Variants in EIF3A observed in about 807,000 individuals in gnomAD.
EIF3A encodes the protein EIF3, p180 subunit.
A neutral mutation model predicts 186.6 loss-of-function variants in EIF3A; 21 were observed. That is an observed-to-expected ratio of 0.11 (90% confidence interval 0.08 to 0.16). The LOEUF is 0.16. Ranked by LOEUF, EIF3A falls within the 10% of genes least tolerant of loss-of-function variation. EIF3A has a pLI of 1.00. For synonymous variants in EIF3A, 563 were observed against 584.3 expected (o/e 0.96, Z 0.52); for missense variants, 1,306 against 1,796.3 (o/e 0.73, Z 4.93).
At chr10:119,076,322 C>CA (rs10712381) in intron 1 of EIF3A, among the ~76,000 whole-genome samples, 213 of 114,422 alleles carry the variant, frequency 1.9e-3, no homozygotes, top group African/African-American at 6.5e-3. Flanking sequence ...AACAAGTCTC[C>CA]AAAAAAAAAA....
At chr10:119,062,743 C>CTTTTTTTTT (rs372690463) in intron 7 of EIF3A, among the ~76,000 whole-genome samples, 17 of 91,040 alleles carry the variant, frequency 1.9e-4, no homozygotes, top group Non-Finnish European at 2.6e-4. Flanking sequence ...AAGAGATCAC[C>CTTTTTTTTT]TTTTTTTTTT....
chr10:119,062,811 G>A (rs1204458937), intron 7 of EIF3A, among the ~76,000 whole-genome samples: 6 of 128,672 alleles, frequency 4.7e-5, no homozygotes, highest in South Asian at 5.2e-4. Flanking sequence ...GCAGTGGCAC[G>A]ATATCAGCTC....
intron 6 of EIF3A, among the ~76,000 whole-genome samples, 197 bp downstream of exon 6, chr10:119,069,248 CT>C (rs1432714347): frequency 2.6e-5 from 4 of 152,162 alleles, no homozygotes; most frequent in Admixed American, 6.6e-5. Flanking sequence ...CTACTGGCAT[CT>C]AATGGGTAGA....
chr10:119,038,591 T>C, intron 19 of EIF3A, 152 bp from the exon 20 acceptor site: 1 of 664,120 alleles, frequency 1.5e-6, no homozygotes, highest in South Asian at 1.9e-5. Context: ...TGTACATCAC[T>C]GCACAGACAT....
intron 10 of EIF3A, 36 bp from the exon 11 acceptor site, chr10:119,059,433 A>C: frequency 6.8e-7 from 1 of 1,460,142 alleles, no homozygotes; most frequent in Non-Finnish European, 9.3e-7. Context: ...TAAATCCACA[A>C]GTAAGCATGA....
At chr10:119,080,559 C>T in intron 1 of EIF3A, 69 bp downstream of exon 1, 1 of 1,514,610 alleles carries the variant, frequency 6.6e-7, no homozygotes. Context: ...CAGTGGGAAG[C>T]AGGCCCGCGC....
chr10:119,053,411 T>C (rs1387460180), intron 14 of EIF3A, among the ~76,000 whole-genome samples: 1 of 151,988 alleles, frequency 6.6e-6, no homozygotes, highest in Non-Finnish European at 1.5e-5. Context: ...GGTCGTTTCA[T>C]CTACACTGAA....
intron 17 of EIF3A, among the ~76,000 whole-genome samples, chr10:119,049,518 G>C (rs547301201): frequency 1.4e-5 from 2 of 141,538 alleles, no homozygotes; most frequent in African/African-American, 5.2e-5. Flanking sequence ...AAGAGAAAGA[G>C]ATGTGAAAAT....
chr10:119,042,584 C>G lies in EIF3A; in HGVS notation c.2936G>C (p.Arg979Pro). 1.2e-6 allele frequency: 2 copies of G among 1,614,170 alleles called. No homozygotes were observed. Among genetic ancestry groups the G allele is most frequent in the Non-Finnish European group, 8.5e-7 (1 of 1,180,044 alleles). Residue 979 changes from arginine to proline, a missense_variant, in exon 19 of 22, where the codon CGT becomes CCT. Arg to Pro is a moderately radical substitution (Grantham distance 103). Transcript: ENST00000369144. The surrounding 1 kb of genome is among the most constrained non-coding windows in gnomAD (Gnocchi z 7.8). ...RRGPEEDRFS[R>P]RGADDDRPSW... ...AGGCCGGTCATCGTCTGCCCCACGA[C>G]GAGAGAACCTATCTTCCTCAGGACC...
intron 6 of EIF3A, among the ~76,000 whole-genome samples, chr10:119,069,139 T>G (rs1350072805): frequency 6.6e-6 from 1 of 152,244 alleles, no homozygotes; most frequent in Non-Finnish European, 1.5e-5. Flanking sequence ...ACTTATCACC[T>G]GAGGTGAGGA....
rs1844060774 is a variant in EIF3A at position 119,070,900 on chromosome 10, T to C, written c.727A>G (p.Met243Val). 2.5e-6 allele frequency: 4 copies of C among 1,612,626 alleles called. No individual in the cohort carries two copies. Among genetic ancestry groups the C allele is most frequent in the African/African-American group, 2.7e-5 (2 of 74,912 alleles). The change falls in exon 5 of 22, where the codon ATG (methionine) becomes GTG (valine). Residue 243 changes from methionine (M) to valine (V), a missense_variant. By Grantham distance (21) the Met-to-Val change is conservative. Coordinates refer to ENST00000369144, the MANE Select transcript of EIF3A (RefSeq NM_003750.4). ...RLVQLDSAIS[M>V]ELWQEAFKAV... is the part of the protein sequence containing the mutation. ...CTCCAACATACCTGCCACAATTCCATGCTGATAGCACTGTCCAGCTGAACA... is the reference window on the plus strand; with the variant it reads ...CTCCAACATACCTGCCACAATTCCACGCTGATAGCACTGTCCAGCTGAACA...
At chr10:119,060,192 G>A in intron 9 of EIF3A, 1 of 492,886 alleles carries the variant, frequency 2.0e-6, no homozygotes, top group East Asian at 5.5e-5. Context: ...TGCAACAAAT[G>A]GAAAACAAAA....
In EIF3A at chr10:119,065,533, G is replaced by C. The variant is rs745681119; in HGVS notation, c.988C>G (p.Pro330Ala). 3.1e-6 allele frequency: 5 copies of C among 1,612,580 alleles called. No homozygotes were observed. The highest frequency in any genetic ancestry group is 1.7e-5 in the Admixed American group (1 of 59,906). Reference sequence around the variant, plus strand: ...ATATCCGTACGCTCAGGAGTAATAGGGATGGAAAGAGTGGCTAAAAGGACT... The same window carrying C: ...ATATCCGTACGCTCAGGAGTAATAGCGATGGAAAGAGTGGCTAAAAGGACT... ...TRVLLATLSI[P>A]ITPERTDIAR... Residue 330 changes from proline (P) to alanine (A), a missense_variant, in exon 7 of 22, where the codon CCT becomes GCT. By Grantham distance (27) the Pro-to-Ala change is conservative. Around this residue, in one of 8 missense-constraint regions of EIF3A, gnomAD observed 267 missense variants for 367.8 expected, o/e 0.73. Coordinates refer to ENST00000369144, the MANE Select transcript of EIF3A (RefSeq NM_003750.4).
chr10:119,072,520 C>T (rs1415939570), intron 4 of EIF3A, among the ~76,000 whole-genome samples: 1 of 152,152 alleles, frequency 6.6e-6, no homozygotes, highest in Non-Finnish European at 1.5e-5. Flanking sequence ...CAGTGCCATC[C>T]TGGCTCACTG....
At chr10:119,037,402 ACAAATAT>A in intron 20 of EIF3A, 93 bp from the exon 21 acceptor site, 3 of 1,115,202 alleles carry the variant, frequency 2.7e-6, no homozygotes, top group Non-Finnish European at 3.9e-6. Context: ...CTTAGAGTTT[ACAAATAT>A]AACAGACAGT....
rs142152144 is a variant in EIF3A at position 119,042,696 on chromosome 10, C to A, written c.2824G>T (p.Asp942Tyr). ...RDEERPRRLG[D>Y]DEDREPSLRP... ...AGAGAGGGCTCTCTATCTTCATCATCCCCCAGACGCCGGGGCCGCTCTTCA... is the reference window on the plus strand; with the variant it reads ...AGAGAGGGCTCTCTATCTTCATCATACCCCAGACGCCGGGGCCGCTCTTCA... The change falls in exon 19 of 22, where the codon GAT becomes TAT. Residue 942 changes from aspartate (D) to tyrosine (Y), a missense_variant. Physicochemically the swap from Asp to Tyr is radical, Grantham distance 160. Transcript: ENST00000369144. This position sits in a 1 kb window ranked among gnomAD's most constrained non-coding sequence, Gnocchi z 7.8. The A allele has an allele frequency of 3.1e-6, 5 of 1,614,086 alleles. No individual in the cohort carries two copies. Among genetic ancestry groups the A allele is most frequent in the Non-Finnish European group, 4.2e-6 (5 of 1,180,048 alleles).
At chr10:119,055,133 G>T (rs887465437) in intron 14 of EIF3A, among the ~76,000 whole-genome samples, 1 of 152,004 alleles carries the variant, frequency 6.6e-6, no homozygotes, top group Non-Finnish European at 1.5e-5. Context: ...ACTTGAACCC[G>T]GCGGGGGCAG....
chr10:119,043,195 G>C (rs566104824), intron 18 of EIF3A, among the ~76,000 whole-genome samples: 74 of 152,190 alleles, frequency 4.9e-4, no homozygotes, highest in African/African-American at 1.6e-3. Context: ...GAGGCAGGCA[G>C]ATTTCTTGAG....
chr10:119,056,567 G>C (rs1028671935), intron 14 of EIF3A, among the ~76,000 whole-genome samples, 173 bp downstream of exon 14: 1 of 152,066 alleles, frequency 6.6e-6, no homozygotes, highest in Admixed American at 6.6e-5. Flanking sequence ...AGTTTCGTTT[G>C]TAATCTCTAT....
Sources: allele counts gnomAD v4.1 joint callset (sites outside exome capture counted in the v4.1 genomes callset), GRCh38; gene constraint gnomAD v4.1.1; regional missense constraint gnomAD v4.1.1; non-coding constraint Gnocchi (gnomAD v3.1); transcripts MANE v1.5; gene names NCBI Gene and HGNC (gene_info 2026-07-23, HGNC 2026-07-21).